ZNF609: variants seen among roughly 807,000 people sequenced by gnomAD.
The protein encoded by ZNF609 is zinc finger protein 609.
Under a neutral mutation model 109.5 loss-of-function variants are expected in ZNF609, and 11 were observed. The ratio of observed to expected loss-of-function variants is 0.10; its 90% confidence interval spans 0.06 to 0.17. ZNF609 has a LOEUF of 0.17. Ranked by LOEUF, ZNF609 falls within the 10% of genes least tolerant of loss-of-function variation. The probability of loss-of-function intolerance (pLI) is 1.00; values close to 1 mark genes in which losing one functional copy is unlikely to be tolerated. For synonymous variants in ZNF609, 646 were observed against 662.0 expected (o/e 0.98, Z 0.37); for missense variants, 1,559 against 1,772.4 (o/e 0.88, Z 2.16).
rs1423650339 is a variant in ZNF609, at chr15:64,629,824, A to G, written c.973+6772A>G. On this transcript the variant is annotated intron_variant, in intron 3 of 9. Transcript: ENST00000326648. ...AGCCTTCCTACATCATAACTTCCAA[A>G]AGCTATTACTTTAGCAGCTTTCTAT... 2.0e-5 allele frequency among the ~76,000 whole-genome samples: 3 copies of G among 152,134 alleles called. No homozygotes were observed. In the East Asian group the frequency reaches 5.8e-4, roughly 29 times the overall value.
intron 2 of ZNF609, among the ~76,000 whole-genome samples, chr15:64,544,385 G>A (rs1011565530): frequency 3.3e-5 from 5 of 152,094 alleles, no homozygotes; most frequent in Admixed American, 1.3e-4. Context: ...AGTAATAATC[G>A]TTAAAACCAA....
chr15:64,490,485 G>T (rs1418870407), intron 1 of ZNF609, among the ~76,000 whole-genome samples: 1 of 151,988 alleles, frequency 6.6e-6, no homozygotes, highest in South Asian at 2.1e-4. Flanking sequence ...TGTTGGTCAG[G>T]CTGGTCTCGA....
In ZNF609 at chr15:64,657,078, G is replaced by A. The variant is rs376629379; in HGVS notation, c.974-13268G>A. 3.2e-4 allele frequency among the ~76,000 whole-genome samples: 48 copies of A among 151,904 alleles called. 1 individual carries two copies. In the South Asian group the frequency reaches 9.2e-3, roughly 29 times the overall value. Reference sequence around the variant, plus strand: ...GCTCAAGACCAGCCTGGCCAACATGGCGAAACCCGTCTCTACTAAAAATAC... The same window carrying A: ...GCTCAAGACCAGCCTGGCCAACATGACGAAACCCGTCTCTACTAAAAATAC... On this transcript the variant is annotated intron_variant, in intron 3 of 9. Coordinates refer to ENST00000326648, the MANE Select transcript of ZNF609 (RefSeq NM_015042.2).
intron 1 of ZNF609, among the ~76,000 whole-genome samples, chr15:64,488,706 A>T (rs1407078551): frequency 6.6e-6 from 1 of 152,188 alleles, no homozygotes; most frequent in Non-Finnish European, 1.5e-5. Context: ...GGTCTAGAAT[A>T]TAAAAAATGA....
rs997259997 is a variant in ZNF609, at chr15:64,575,375, G to C, written c.748-47452G>C. ...GGAGGCGGAGGTTGCAGTGAGCCTA[G>C]ATCGCACCATTGCACTCCAGCCTGG... On this transcript the variant is annotated intron_variant, in intron 2 of 9. Transcript: ENST00000326648. Among the ~76,000 whole-genome samples, 13 of 151,176 alleles carry C rather than the reference G, an allele frequency of 8.6e-5. No individual in the cohort carries two copies. In the South Asian group the frequency reaches 2.7e-3, roughly 31 times the overall value.
At chr15:64,467,461 A>G (rs1259591934) in intron 1 of ZNF609, among the ~76,000 whole-genome samples, 1 of 152,228 alleles carries the variant, frequency 6.6e-6, no homozygotes, top group Non-Finnish European at 1.5e-5. Flanking sequence ...CTTTGCCACA[A>G]GTGTCACTGT....
At chr15:64,472,976 G>A (rs982604635) in intron 1 of ZNF609, among the ~76,000 whole-genome samples, 1 of 152,074 alleles carries the variant, frequency 6.6e-6, no homozygotes, top group Non-Finnish European at 1.5e-5. Context: ...CTAAAGAATG[G>A]TATCAAAAAT....
At chr15:64,533,764 C>G (rs1305078239) in intron 2 of ZNF609, among the ~76,000 whole-genome samples, 1 of 152,102 alleles carries the variant, frequency 6.6e-6, no homozygotes. Context: ...TAAAATAATA[C>G]AGAGAGATCC....
intron 1 of ZNF609, among the ~76,000 whole-genome samples, chr15:64,479,429 C>T (rs1486733521): frequency 6.6e-6 from 1 of 151,264 alleles, no homozygotes; most frequent in Admixed American, 6.6e-5. Context: ...GTAGCTGAGA[C>T]TACAGGTGCC....
chr15:64,652,066 GTCTC>G (rs1037991221), intron 3 of ZNF609, among the ~76,000 whole-genome samples: 2 of 152,080 alleles, frequency 1.3e-5, no homozygotes, highest in African/African-American at 4.8e-5. Flanking sequence ...TAGAGACCAA[GTCTC>G]TCTCTGTCAC....
At chr15:64,495,565 G>A (rs769244454) in intron 1 of ZNF609, among the ~76,000 whole-genome samples, 2 of 151,528 alleles carry the variant, frequency 1.3e-5, no homozygotes, top group Admixed American at 6.6e-5. Flanking sequence ...GTTAATTTTC[G>A]TATTTTTGTA....
chr15:64,671,636 A>G (rs1367952024), intron 4 of ZNF609, among the ~76,000 whole-genome samples: 2 of 152,130 alleles, frequency 1.3e-5, no homozygotes, highest in Non-Finnish European at 2.9e-5. Context: ...TTTTCCTAAT[A>G]TTAGTACTCA....
chr15:64,640,367 C>T (rs1356759060), intron 3 of ZNF609, among the ~76,000 whole-genome samples: 3 of 152,008 alleles, frequency 2.0e-5, no homozygotes, highest in African/African-American at 7.3e-5. Flanking sequence ...TTACTATTTA[C>T]CCTTCCTTGG....
rs191754295 is a variant in ZNF609 at position 64,608,636 on chromosome 15, G to T, written c.748-14191G>T. 2.2e-3 allele frequency among the ~76,000 whole-genome samples: 334 copies of T among 151,938 alleles called. 3 individuals carry two copies. The highest frequency in any genetic ancestry group is 7.7e-3 in the African/African-American group (317 of 41,406). ...ATTTACCTTTCTTCCACCTTCCCCT[G>T]CCCACCCCTAATCCCTGGCAGCTGC... On this transcript the variant is annotated intron_variant, in intron 2 of 9. Coordinates refer to ENST00000326648, the MANE Select transcript of ZNF609 (RefSeq NM_015042.2).
rs996732990 is a variant in ZNF609, at chr15:64,593,410, A to C, written c.748-29417A>C. The C allele has an allele frequency of 6.8e-6, 5 of 736,724 alleles. No homozygotes were observed. In the African/African-American group the frequency reaches 8.8e-5, roughly 13 times the overall value. The allele number at this position is 736,724 out of a possible 1,614,324, so 45.6% of individuals were successfully genotyped here. A position where few individuals can be genotyped will look rare whatever the true frequency, so the allele number is the denominator to read the frequency against. On this transcript the variant is annotated intron_variant, in intron 2 of 9. Coordinates refer to ENST00000326648, the MANE Select transcript of ZNF609 (RefSeq NM_015042.2). Reference sequence around the variant, plus strand: ...ATTGTACTTAAATAAATAAATAAAAATAATGTTTTAAGTTATAGCTAATTG... The same window carrying C: ...ATTGTACTTAAATAAATAAATAAAACTAATGTTTTAAGTTATAGCTAATTG...
At chr15:64,549,635 G>C (rs72742910) in intron 2 of ZNF609, among the ~76,000 whole-genome samples, 1 of 152,098 alleles carries the variant, frequency 6.6e-6, no homozygotes, top group East Asian at 1.9e-4. Flanking sequence ...TCAAAGCCAG[G>C]TAATCTGGCT....
intron 1 of ZNF609, among the ~76,000 whole-genome samples, chr15:64,495,062 C>G (rs1446224103): frequency 6.6e-6 from 1 of 151,626 alleles, no homozygotes; most frequent in African/African-American, 2.4e-5. Context: ...AGAAAAAGTA[C>G]AATTTTTAAA....
At chr15:64,598,740 GTGTATATATATATATATATATATA>G (rs1338032800) in intron 2 of ZNF609, among the ~76,000 whole-genome samples, 2 of 84,714 alleles carry the variant, frequency 2.4e-5, no homozygotes, top group African/African-American at 9.0e-5. Context: ...ATCTTTGTGT[GTGTATATATATATATATATATATA>G]TATATATATA....
intron 3 of ZNF609, among the ~76,000 whole-genome samples, chr15:64,658,500 C>T (rs148698399): frequency 2.6e-5 from 4 of 151,866 alleles, no homozygotes; most frequent in Admixed American, 2.6e-4. Context: ...TCCAGCCTAA[C>T]TTAAAAATTA....
Sources: allele counts gnomAD v4.1 joint callset (sites outside exome capture counted in the v4.1 genomes callset), GRCh38; gene constraint gnomAD v4.1.1; transcripts MANE v1.5; gene names NCBI Gene and HGNC (gene_info 2026-07-23, HGNC 2026-07-21).